CDH20: variants seen among roughly 807,000 people sequenced by gnomAD.
The protein encoded by CDH20 is cadherin-20.
CDH20 carries 29 observed loss-of-function variants against 74.2 expected under a neutral mutation model. The observed-to-expected ratio is 0.39, with a 90% confidence interval of 0.29 to 0.53. The LOEUF (loss-of-function observed/expected upper bound fraction) is 0.53. Among genes scored for constraint, CDH20 ranks in the 20% least tolerant of loss-of-function variants. The pLI, the probability that CDH20 is intolerant of heterozygous loss-of-function variation, is 0.69. For synonymous variants in CDH20, 469 were observed against 405.4 expected (o/e 1.16, Z -1.88); for missense variants, 988 against 1,048.3 (o/e 0.94, Z 0.79).
intron 1 of CDH20, among the ~76,000 whole-genome samples, chr18:61,357,894 C>G (rs528493946): frequency 3.9e-4 from 60 of 152,184 alleles, no homozygotes; most frequent in African/African-American, 1.4e-3. Context: ...CTCTCTGGCC[C>G]TCAGATACCC....
rs1276570854 is a variant in CDH20, at chr18:61,339,698, T to TC, written c.-153+5871_-153+5872insC. Among the ~76,000 whole-genome samples, 157 of 109,492 alleles carry TC rather than the reference T, an allele frequency of 1.4e-3. 1 individual carries two copies. In the Middle Eastern group the frequency reaches 0.017, roughly 12 times the overall value. The allele number at this position is 109,492 out of a possible 152,430, so 71.8% of individuals were successfully genotyped here. A position where few individuals can be genotyped will look rare whatever the true frequency, so the allele number is the denominator to read the frequency against. Reference sequence around the variant, plus strand: ...TCATAGAAATTTTTTTTTTTTTTTTTTTTTTTTGAGATGGAGTCTCGCTCT... The same window carrying TC: ...TCATAGAAATTTTTTTTTTTTTTTTTCTTTTTTTGAGATGGAGTCTCGCTCT... On this transcript the variant is annotated intron_variant, in intron 1 of 11. Coordinates refer to ENST00000262717, the MANE Select transcript of CDH20 (RefSeq NM_031891.4).
At chr18:61,479,720 T>C (rs1486545403) in intron 1 of CDH20, among the ~76,000 whole-genome samples, 1 of 152,136 alleles carries the variant, frequency 6.6e-6, no homozygotes, top group African/African-American at 2.4e-5. Context: ...TTTATCCAAA[T>C]CCTGGAAGCT....
chr18:61,413,263 T>C (rs1399968565), intron 1 of CDH20, among the ~76,000 whole-genome samples: 1 of 152,198 alleles, frequency 6.6e-6, no homozygotes, highest in Non-Finnish European at 1.5e-5. Flanking sequence ...CATTCTGCTG[T>C]CAGTCTTCAC....
At chr18:61,342,445 C>A (rs574980111) in intron 1 of CDH20, among the ~76,000 whole-genome samples, 1 of 152,190 alleles carries the variant, frequency 6.6e-6, no homozygotes, top group Non-Finnish European at 1.5e-5. Context: ...GGCTCCCACG[C>A]CTGTGGTCTT....
chr18:61,553,226 A>G (rs552024735), intron 11 of CDH20, among the ~76,000 whole-genome samples: 6 of 151,996 alleles, frequency 3.9e-5, no homozygotes, highest in South Asian at 2.1e-4. Context: ...AGTGCTGTCA[A>G]ACTGTCACTG....
chr18:61,402,466 T>C (rs1430497907), intron 1 of CDH20, among the ~76,000 whole-genome samples: 2 of 152,188 alleles, frequency 1.3e-5, no homozygotes, highest in Non-Finnish European at 2.9e-5. Flanking sequence ...CTAGCAAAAC[T>C]ACTTCATGAA....
intron 1 of CDH20, among the ~76,000 whole-genome samples, chr18:61,481,421 G>A (rs754109795): frequency 3.3e-5 from 5 of 152,232 alleles, no homozygotes; most frequent in Non-Finnish European, 4.4e-5. Flanking sequence ...GTCACACATC[G>A]AGTGGCAGAG....
At chr18:61,410,339 A>G (rs896355514) in intron 1 of CDH20, among the ~76,000 whole-genome samples, 1 of 152,202 alleles carries the variant, frequency 6.6e-6, no homozygotes, top group Non-Finnish European at 1.5e-5. Context: ...ATGACATACC[A>G]TTTTTATCTA....
At chr18:61,524,183 T>C (rs1052468419) in intron 6 of CDH20, among the ~76,000 whole-genome samples, 2 of 151,982 alleles carry the variant, frequency 1.3e-5, no homozygotes, top group African/African-American at 4.8e-5. Flanking sequence ...AAAGACCTCC[T>C]CAAGAAGACA....
chr18:61,472,629 CAATGA>C (rs1375609296), intron 1 of CDH20, among the ~76,000 whole-genome samples: 1 of 152,122 alleles, frequency 6.6e-6, no homozygotes, highest in Non-Finnish European at 1.5e-5. Context: ...CAAGATTGGT[CAATGA>C]AATAGAAAGA....
rs1221773856 is a variant in CDH20 at position 61,555,326 on chromosome 18, A to C, written c.*631A>C. ...AGGAAGAGACATTGACTTTATGCTC[A>C]AGTTTAGTGGCTGAACCAAGAGATG... On this transcript the variant is annotated 3_prime_UTR_variant, in exon 12 of 12. Coordinates refer to ENST00000262717, the MANE Select transcript of CDH20 (RefSeq NM_031891.4). 1.0e-6 allele frequency: 1 copy of C among 985,424 alleles called. No individual in the cohort carries two copies. Among genetic ancestry groups the C allele is most frequent in the Non-Finnish European group, 1.2e-6 (1 of 830,054 alleles). The allele number at this position is 985,424 out of a possible 1,614,324, so 61.0% of individuals were successfully genotyped here. A position where few individuals can be genotyped will look rare whatever the true frequency, so the allele number is the denominator to read the frequency against.
chr18:61,507,374 A>G lies in CDH20; in HGVS notation c.831A>G (p.Lys277=), dbSNP rs181016877. Residue 277 remains lysine, a splice_region_variant and synonymous_variant, in exon 6 of 12, where the codon AAA becomes AAG. Coordinates refer to ENST00000262717, the MANE Select transcript of CDH20 (RefSeq NM_031891.4). The part of the protein sequence containing the change: ...VNDNPPRFPQ[K]HYQMSVLESA... Reference sequence around the variant, plus strand: ...GCGTGTCCTGGCTTTTCTTCGTAGAACATTACCAGATGAGTGTGTTGGAAT... The same window carrying G: ...GCGTGTCCTGGCTTTTCTTCGTAGAGCATTACCAGATGAGTGTGTTGGAAT... 95 of 1,612,712 alleles carry G rather than the reference A, an allele frequency of 5.9e-5. 1 individual carries two copies. The East Asian group carries it at 2.0e-3, about 34-fold the overall frequency.
At chr18:61,538,605 T>TG (rs1912902656) in intron 8 of CDH20, among the ~76,000 whole-genome samples, 1 of 40,244 alleles carries the variant, frequency 2.5e-5, no homozygotes, top group Non-Finnish European at 4.4e-5. Flanking sequence ...TGTTTTTGTT[T>TG]TTGTTTTTGT....
At chr18:61,347,400 A>C (rs565171671) in intron 1 of CDH20, among the ~76,000 whole-genome samples, 8 of 148,948 alleles carry the variant, frequency 5.4e-5, no homozygotes, top group African/African-American at 2.0e-4. Flanking sequence ...CACACCTGTC[A>C]TCACAGCTAC....
intron 1 of CDH20, among the ~76,000 whole-genome samples, chr18:61,487,856 A>G (rs1033733979): frequency 1.3e-5 from 2 of 152,142 alleles, no homozygotes; most frequent in Non-Finnish European, 1.5e-5. Context: ...GAATATAAAA[A>G]ACACTACTTA....
intron 6 of CDH20, among the ~76,000 whole-genome samples, chr18:61,519,402 A>G (rs1202772472): frequency 1.3e-5 from 2 of 151,390 alleles, no homozygotes; most frequent in African/African-American, 4.9e-5. Flanking sequence ...AGGGAAGCCC[A>G]TCAGACTAAC....
intron 1 of CDH20, among the ~76,000 whole-genome samples, chr18:61,336,392 G>C (rs1467368985): frequency 7.2e-5 from 11 of 152,154 alleles, no homozygotes; most frequent in Non-Finnish European, 1.2e-4. Flanking sequence ...CCATCTCCAA[G>C]AGACTCAGAT....
chr18:61,408,928 A>ACAGAC (rs1912412253), intron 1 of CDH20, among the ~76,000 whole-genome samples: 1 of 152,226 alleles, frequency 6.6e-6, no homozygotes, highest in African/African-American at 2.4e-5. Flanking sequence ...AAAAAAAATG[A>ACAGAC]CAGACCAGAC....
rs745363172 is a variant in CDH20, at chr18:61,490,637, T to C, written c.84T>C (p.Leu28=). The change falls in exon 2 of 12, where the codon CTT becomes CTC. Residue 28 remains leucine, a synonymous_variant. Transcript: ENST00000262717. ...TGTACTTCTGGGGGCTGATGGACCTTACGACCACCGTTCTCTCGGACACCC... is the reference window on the plus strand; with the variant it reads ...TGTACTTCTGGGGGCTGATGGACCTCACGACCACCGTTCTCTCGGACACCC... ...MSLYFWGLMD[L]TTTVLSDTPT... 1 of 1,613,922 alleles carries C rather than the reference T, an allele frequency of 6.2e-7. No individual in the cohort carries two copies. The highest frequency in any genetic ancestry group is 1.3e-5 in the African/African-American group (1 of 74,860).
Sources: allele counts gnomAD v4.1 joint callset (sites outside exome capture counted in the v4.1 genomes callset), GRCh38; gene constraint gnomAD v4.1.1; transcripts MANE v1.5; gene names NCBI Gene and HGNC (gene_info 2026-07-23, HGNC 2026-07-21).